AMZ1: variants seen among roughly 807,000 people sequenced by gnomAD.
AMZ1 encodes the protein archaelysin family metallopeptidase 1.
Under a neutral mutation model 29.9 loss-of-function variants are expected in AMZ1, and 39 were observed. That is an observed-to-expected ratio of 1.30 (90% CI 1.01 to 1.70). The LOEUF (loss-of-function observed/expected upper bound fraction) is 1.70, where lower values mean the gene tolerates loss of function less well. Ranked by LOEUF, AMZ1 falls within the 40% of genes most tolerant of loss-of-function variation. The pLI is 0.00. For missense variants in AMZ1, 1,041 were observed against 680.6 expected (o/e 1.53, Z -5.89); for synonymous variants, 458 against 304.0 (o/e 1.51, Z -5.27).
At chr7:2,740,974 G>C (rs968093941) in intron 4 of AMZ1, among the ~76,000 whole-genome samples, 1 of 152,226 alleles carries the variant, frequency 6.6e-6, no homozygotes, top group East Asian at 1.9e-4. Flanking sequence ...GAACCCGGGA[G>C]GCAGAGCTTG....
chr7:2,712,921 G>C lies in AMZ1; in HGVS notation c.*43G>C, dbSNP rs761884912. On this transcript the variant is annotated 3_prime_UTR_variant, in exon 7 of 7. Transcript: ENST00000683327. ...TACGTCTCCTTCCCTAAGGATGCTG[G>C]CCAGCACTGTCCAGTAGCTGAGGCC... 2 of 1,501,242 alleles carry C rather than the reference G, an allele frequency of 1.3e-6. No homozygotes were observed. The highest frequency in any genetic ancestry group is 2.7e-5 in the South Asian group (2 of 73,142). 93.0% of individuals were successfully genotyped at this position (1,501,242 alleles called of 1,614,324 possible).
intron 4 of AMZ1, chr7:2,733,647 T>C (rs1790014051): frequency 4.6e-6 from 3 of 652,722 alleles, no homozygotes; most frequent in African/African-American, 3.7e-5. Context: ...AGTGTCCGTG[T>C]GTTTTCTAAA....
chr7:2,705,501 C>T (rs987315527), intron 3 of AMZ1, among the ~76,000 whole-genome samples: 1 of 152,184 alleles, frequency 6.6e-6, no homozygotes, highest in Admixed American at 6.5e-5. Context: ...GCTCTCTACC[C>T]CTCTACCGGC....
rs574618669 is a variant in AMZ1, at chr7:2,734,541, G to C, written n.550+24725G>C. ...AGAAGGCCATCAGAATGGACTACGT[G>C]ATGGCGCTGAAGCTCGTGGCGTTGT... On this transcript the variant is annotated intron_variant and non_coding_transcript_variant, in intron 4 of 4. Transcript: ENST00000489665. Among the ~76,000 whole-genome samples, 19 of 152,318 alleles carry C rather than the reference G, an allele frequency of 1.2e-4. 1 individual carries two copies. The South Asian group carries it at 3.9e-3, about 32-fold the overall frequency.
intron 3 of AMZ1, among the ~76,000 whole-genome samples, chr7:2,706,322 A>T (rs1392341697): frequency 6.6e-6 from 1 of 152,160 alleles, no homozygotes; most frequent in African/African-American, 2.4e-5. Context: ...ACGTGCCATC[A>T]CACCTGGCTA....
At chr7:2,743,288 A>C (rs1186284383) in intron 4 of AMZ1, among the ~76,000 whole-genome samples, 1 of 152,212 alleles carries the variant, frequency 6.6e-6, no homozygotes, top group Non-Finnish European at 1.5e-5. Flanking sequence ...ATGTCTGCTA[A>C]AGCAAAAATA....
intron 5 of AMZ1, 45 bp from the exon 6 acceptor site, chr7:2,709,595 A>G (rs1422016215): frequency 6.3e-7 from 1 of 1,580,156 alleles, no homozygotes; most frequent in Non-Finnish European, 8.6e-7. Context: ...TGCCGGATGC[A>G]GGGGCAAGGC....
intron 4 of AMZ1, among the ~76,000 whole-genome samples, chr7:2,754,455 G>C (rs1328473397): frequency 6.6e-6 from 1 of 152,002 alleles, no homozygotes; most frequent in African/African-American, 2.4e-5. Flanking sequence ...TTACTAAGAG[G>C]ATCTGGGCAG....
intron 4 of AMZ1, among the ~76,000 whole-genome samples, chr7:2,756,527 A>T (rs2115380813): frequency 6.6e-6 from 1 of 151,732 alleles, no homozygotes; most frequent in South Asian, 2.1e-4. Context: ...AGGCAGGAAG[A>T]TCTCTTGAGC....
chr7:2,759,590 T>G (rs886606491), intron 4 of AMZ1, among the ~76,000 whole-genome samples: 1 of 152,134 alleles, frequency 6.6e-6, no homozygotes, highest in Non-Finnish European at 1.5e-5. Context: ...GTGGCTCACA[T>G]GGGGTTTATG....
rs1788578338 is a variant in AMZ1, at chr7:2,709,173, C to G, written c.700C>G (p.Pro234Ala). ...CCTGGTAGAGGCAGCAGCAGACGGC[C>G]CCGAGGCCCCCCTGCAGGACAGGGG... ...LALVEAAADG[P>A]EAPLQDRGWA... is the part of the protein sequence containing the mutation. Residue 234 changes from proline (P) to alanine (A), a missense_variant, in exon 5 of 7, where the codon CCC (proline) becomes GCC (alanine). Coordinates refer to ENST00000683327, the MANE Select transcript of AMZ1 (RefSeq NM_001384743.1). 1 of 1,546,770 alleles carries G rather than the reference C, an allele frequency of 6.5e-7. No individual in the cohort carries two copies. Among genetic ancestry groups the G allele is most frequent in the African/African-American group, 1.4e-5 (1 of 72,228 alleles).
At chr7:2,709,863 G>C (rs1022940120) in intron 6 of AMZ1, 47 bp downstream of exon 6, 18 of 1,596,340 alleles carry the variant, frequency 1.1e-5, no homozygotes, top group Non-Finnish European at 1.5e-5. Flanking sequence ...CTGCGCTCCG[G>C]AGGCCCGCGA....
chr7:2,712,542 C>T lies in AMZ1; in HGVS notation c.1161C>T (p.Tyr387=), dbSNP rs1234472386. The change falls in exon 7 of 7, where the codon TAC becomes TAT. Residue 387 remains tyrosine, a synonymous_variant. Transcript: ENST00000683327. The part of the protein sequence containing the change: ...FASGPEEGLS[Y]LAASEAPLPP... ...CGGGGCCAGAGGAAGGGCTGAGCTA[C>T]CTGGCAGCCTCAGAGGCTCCGCTGC... is the stretch of plus-strand genomic sequence containing the variant. 5 of 1,609,118 alleles carry T rather than the reference C, an allele frequency of 3.1e-6. No individual in the cohort carries two copies. The highest frequency in any genetic ancestry group is 1.1e-5 in the South Asian group (1 of 90,684).
intron 3 of AMZ1, among the ~76,000 whole-genome samples, chr7:2,705,475 AATC>A (rs1280843275): frequency 6.6e-6 from 1 of 152,144 alleles, no homozygotes; most frequent in East Asian, 1.9e-4. Flanking sequence ...CCATCACCAT[AATC>A]ATATAGAGGG....
At chr7:2,737,407 G>C (rs1486480827) in intron 4 of AMZ1, among the ~76,000 whole-genome samples, 1 of 148,784 alleles carries the variant, frequency 6.7e-6, no homozygotes, top group Non-Finnish European at 1.5e-5. Context: ...TCCTGCCTCA[G>C]CCTACAGAGT....
intron 4 of AMZ1, among the ~76,000 whole-genome samples, chr7:2,725,682 G>A (rs559195063): frequency 3.3e-5 from 5 of 152,306 alleles, no homozygotes; most frequent in South Asian, 2.1e-4. Flanking sequence ...AGTTACCCCC[G>A]AAAACCGTAG....
chr7:2,720,328 A>G (rs798553), downstream of AMZ1, among the ~76,000 whole-genome samples: 134,794 of 152,310 alleles, frequency 0.88, 60,427 homozygotes, highest in African/African-American at 0.97. Context: ...TCCCCACGTC[A>G]GGGTGAACAC....
At chr7:2,757,421 C>A (rs1007281004) in intron 4 of AMZ1, among the ~76,000 whole-genome samples, 1 of 152,078 alleles carries the variant, frequency 6.6e-6, no homozygotes, top group Non-Finnish European at 1.5e-5. Flanking sequence ...AGCCACGTGG[C>A]AAGGAAGTGA....
chr7:2,731,208 C>A lies in AMZ1; in HGVS notation n.550+21392C>A, dbSNP rs762806711. 3 of 1,612,068 alleles carry A rather than the reference C, an allele frequency of 1.9e-6. No homozygotes were observed. Among genetic ancestry groups the A allele is most frequent in the East Asian group, 4.5e-5 (2 of 44,858 alleles). On this transcript the variant is annotated intron_variant and non_coding_transcript_variant, in intron 4 of 4. Transcript: ENST00000489665. The surrounding 1 kb of genome is among the most constrained non-coding windows in gnomAD (Gnocchi z 6.0). ...ACTGCAGCATGATGTCCTTCAGGTT[C>A]TCCTGCAGGATGGTGTCTTTCACAG...
Sources: gnomAD v4.1 joint callset for allele counts (sites outside exome capture counted in the v4.1 genomes callset) on GRCh38, gnomAD v4.1.1 for gene constraint, Gnocchi (gnomAD v3.1) non-coding constraint, MANE v1.5 for transcripts, NCBI Gene and HGNC (gene_info 2026-07-23, HGNC 2026-07-21) for gene names.